Variants in LRRC4C observed in about 807,000 individuals in gnomAD.
LRRC4C encodes the protein leucine-rich repeat-containing protein 4C.
Under a neutral mutation model 33.6 loss-of-function variants are expected in LRRC4C, and 5 were observed. The ratio of observed to expected loss-of-function variants is 0.15; its 90% CI spans 0.08 to 0.31. LRRC4C has a LOEUF of 0.31. LRRC4C is among the 10% of genes least tolerant of loss of function. LRRC4C has a pLI of 1.00. For synonymous variants in LRRC4C, 329 were observed against 302.0 expected (o/e 1.09, Z -0.93); for missense variants, 560 against 796.7 (o/e 0.70, Z 3.58).
intron 3 of LRRC4C, among the ~76,000 whole-genome samples, chr11:40,327,178 A>AAAT (rs1946141907): frequency 6.6e-6 from 1 of 152,212 alleles, no homozygotes; most frequent in African/African-American, 2.4e-5. Flanking sequence ...GCAGAGAAAG[A>AAAT]AATGTAAGCC....
At chr11:41,387,349 C>G (rs1448874503) in intron 1 of LRRC4C, among the ~76,000 whole-genome samples, 2 of 151,792 alleles carry the variant, frequency 1.3e-5, no homozygotes, top group Middle Eastern at 3.4e-3. Flanking sequence ...AAGTGAGGAA[C>G]ACCTGACTGA....
chr11:40,440,167 TCTG>T (rs1951328439), intron 3 of LRRC4C, among the ~76,000 whole-genome samples: 2 of 152,204 alleles, frequency 1.3e-5, no homozygotes, highest in South Asian at 4.1e-4. Flanking sequence ...TGTTATTTTC[TCTG>T]CTGCATTCCC....
At chr11:40,777,178 C>T (rs542321012) in intron 2 of LRRC4C, among the ~76,000 whole-genome samples, 36 of 152,240 alleles carry the variant, frequency 2.4e-4, no homozygotes, top group East Asian at 2.1e-3. Flanking sequence ...TCCATGTGCA[C>T]GTAAGAATGT....
intron 1 of LRRC4C, among the ~76,000 whole-genome samples, chr11:41,315,313 G>A (rs1950755807): frequency 6.6e-6 from 1 of 152,174 alleles, no homozygotes; most frequent in Admixed American, 6.5e-5. Context: ...CCCATATTAT[G>A]TAGGGATGAC....
chr11:40,216,682 C>T (rs745313827), intron 5 of LRRC4C, among the ~76,000 whole-genome samples: 2 of 152,074 alleles, frequency 1.3e-5, no homozygotes, highest in African/African-American at 4.8e-5. Context: ...AGCATAAAAG[C>T]GTTCTGTGAA....
At chr11:41,162,596 G>A (rs955975172) in intron 1 of LRRC4C, among the ~76,000 whole-genome samples, 3 of 152,174 alleles carry the variant, frequency 2.0e-5, no homozygotes, top group Non-Finnish European at 4.4e-5. Context: ...TGTACGGTAT[G>A]TTATTGTATC....
At chr11:40,133,841 G>GA (rs376352091) in intron 6 of LRRC4C, among the ~76,000 whole-genome samples, 130 of 150,058 alleles carry the variant, frequency 8.7e-4, no homozygotes, top group African/African-American at 2.9e-3. Flanking sequence ...TTTTAAGAGA[G>GA]AAAAAAAAAC....
At chr11:41,218,763 A>ATTTTTTTTTTTTTTTTTTTTTT (rs1184491274) in intron 1 of LRRC4C, among the ~76,000 whole-genome samples, 2 of 108,898 alleles carry the variant, frequency 1.8e-5, no homozygotes, top group Non-Finnish European at 3.7e-5. Context: ...TGCATATGTC[A>ATTTTTTTTTTTTTTTTTTTTTT]TTTTTTTTTT....
chr11:40,298,356 C>A (rs1007191263), intron 4 of LRRC4C, among the ~76,000 whole-genome samples: 5 of 151,100 alleles, frequency 3.3e-5, no homozygotes, highest in African/African-American at 1.2e-4. Flanking sequence ...TCTTTTTGAT[C>A]TTTTTGATCT....
At chr11:40,607,211 T>C (rs773426440) in intron 3 of LRRC4C, among the ~76,000 whole-genome samples, 2 of 152,168 alleles carry the variant, frequency 1.3e-5, no homozygotes, top group Non-Finnish European at 2.9e-5. Flanking sequence ...TGCTAAAGAA[T>C]GTTCTTTAAA....
chr11:41,232,807 A>T (rs1188934288), intron 1 of LRRC4C, among the ~76,000 whole-genome samples: 1 of 151,582 alleles, frequency 6.6e-6, no homozygotes, highest in African/African-American at 2.4e-5. Flanking sequence ...ACTAAATGCC[A>T]AGTAACACAC....
At chr11:40,313,194 T>A (rs1945400835) in intron 4 of LRRC4C, among the ~76,000 whole-genome samples, 1 of 152,122 alleles carries the variant, frequency 6.6e-6, no homozygotes, top group Non-Finnish European at 1.5e-5. Flanking sequence ...TTTTTACTCC[T>A]CGCCTCCTCC....
chr11:40,646,693 G>A (rs558317072), intron 3 of LRRC4C, among the ~76,000 whole-genome samples: 7 of 152,250 alleles, frequency 4.6e-5, no homozygotes, highest in South Asian at 4.1e-4. Context: ...TGCAAGCTCC[G>A]CCCTCCGGGT....
chr11:40,117,814 T>C (rs141532698), intron 6 of LRRC4C, among the ~76,000 whole-genome samples: 1 of 152,118 alleles, frequency 6.6e-6, no homozygotes, highest in African/African-American at 2.4e-5. Flanking sequence ...TTTCTGTGGC[T>C]TAATTTCTCT....
intron 1 of LRRC4C, among the ~76,000 whole-genome samples, chr11:41,009,023 TG>T (rs1854969411): frequency 6.6e-6 from 1 of 151,976 alleles, no homozygotes; most frequent in African/African-American, 2.4e-5. Flanking sequence ...AAAATTTATA[TG>T]AAAGATAACG....
intron 1 of LRRC4C, among the ~76,000 whole-genome samples, chr11:41,450,824 A>C (rs1327320215): frequency 6.6e-6 from 1 of 152,188 alleles, no homozygotes; most frequent in South Asian, 2.1e-4. Flanking sequence ...GCAAAGTTAT[A>C]ATTTCTTCTA....
At chr11:41,377,928 C>T (rs1952999228) in intron 1 of LRRC4C, among the ~76,000 whole-genome samples, 1 of 152,166 alleles carries the variant, frequency 6.6e-6, no homozygotes, top group South Asian at 2.1e-4. Context: ...CAATCGCCCT[C>T]TTGAACTGTG....
At chr11:40,482,819 T>C (rs1188913472) in intron 3 of LRRC4C, among the ~76,000 whole-genome samples, 2 of 152,118 alleles carry the variant, frequency 1.3e-5, no homozygotes, top group African/African-American at 4.8e-5. Context: ...ATAAAATGAA[T>C]TTCAGAGAGG....
chr11:40,591,400 C>A (rs1959052206), intron 3 of LRRC4C, among the ~76,000 whole-genome samples: 1 of 152,134 alleles, frequency 6.6e-6, no homozygotes, highest in African/African-American at 2.4e-5. Context: ...GTGAGATGAA[C>A]CCGGTACCTC....
Sources: allele counts gnomAD v4.1 joint callset (sites outside exome capture counted in the v4.1 genomes callset), GRCh38; gene constraint gnomAD v4.1.1; transcripts MANE v1.5; gene names NCBI Gene and HGNC (gene_info 2026-07-23, HGNC 2026-07-21).